The following ANKRD36C variants were observed in gnomAD, a reference collection of about 807,000 sequenced individuals.
ANKRD36C encodes the protein ankyrin repeat domain 36C, also known as ankyrin repeat domain-containing protein 36C.
ANKRD36C carries 61 observed loss-of-function variants against 276.4 expected under a neutral mutation model. The ratio of observed to expected loss-of-function variants is 0.22; its 90% CI spans 0.18 to 0.27. The LOEUF (loss-of-function observed/expected upper bound fraction) is 0.27. Ranked by LOEUF, ANKRD36C falls within the 10% of genes least tolerant of loss-of-function variation. The pLI is 1.00. For synonymous variants in ANKRD36C, 483 were observed against 680.1 expected (o/e 0.71, Z 4.51); for missense variants, 1,447 against 2,032.3 (o/e 0.71, Z 5.54).
intron 61 of ANKRD36C, 69 bp downstream of exon 81, chr2:95,859,792 A>T: frequency 6.6e-7 from 1 of 1,513,760 alleles, no homozygotes; most frequent in South Asian, 1.2e-5. Flanking sequence ...TCGCAATTAC[A>T]AAACTTCTCC....
exon 54 of ANKRD36C, chr2:95,884,239 C>T (rs1222286701): frequency 1.2e-6 from 2 of 1,609,862 alleles, no homozygotes; most frequent in South Asian, 1.1e-5. Flanking sequence ...TTCTCATCAC[C>T]TGTAGCCTGA....
intron 3 of ANKRD36C, 109 bp from the exon 4 acceptor site, chr2:95,982,471 G>C (rs1489657876): frequency 3.2e-6 from 3 of 933,246 alleles, no homozygotes. Context: ...TTGAAAGGTC[G>C]TAAGAGGTAG....
intron 6 of ANKRD36C, among the ~76,000 whole-genome samples, chr2:95,965,190 T>C (rs1358034766): frequency 2.0e-5 from 3 of 151,870 alleles, no homozygotes; most frequent in Non-Finnish European, 4.4e-5. Flanking sequence ...TTATTCTATT[T>C]ACAGTTTTCA....
At position 95,867,570 on chromosome 2, in the gene ANKRD36C, T is replaced by G. The variant is rs779942765; in HGVS notation, c.3552A>C (p.Gln1184His). 2.3e-5 allele frequency: 32 copies of G among 1,416,522 alleles called. No homozygotes were observed. The East Asian group carries it at 7.7e-4, about 34-fold the overall frequency. 87.7% of individuals were successfully genotyped at this position (1,416,522 alleles called of 1,614,324 possible). Residue 1184 changes from glutamine to histidine, a missense_variant, in exon 60 of 67, where the codon CAA becomes CAC. By Grantham distance (24) the Gln-to-His change is conservative. Transcript: ENST00000456556. ...CATCAAGGTCATCCCTAGAATGTAT[T>G]TGGTTTTTCACCTACAAAATAAATA...
intron 6 of ANKRD36C, among the ~76,000 whole-genome samples, chr2:95,965,316 TC>T (rs1203831198): frequency 6.6e-6 from 1 of 152,028 alleles, no homozygotes; most frequent in Admixed American, 6.6e-5. Flanking sequence ...TCATTTGACA[TC>T]CGGGAACACT....
intron 44 of ANKRD36C, chr2:95,897,338 G>C: frequency 3.2e-6 from 5 of 1,551,772 alleles, no homozygotes; most frequent in African/African-American, 2.8e-5. Context: ...CTCATCTCTT[G>C]TAGCCTGAAT....
At chr2:95,981,241 A>C (rs1678908430) in intron 4 of ANKRD36C, among the ~76,000 whole-genome samples, 1 of 151,478 alleles carries the variant, frequency 6.6e-6, no homozygotes, top group Non-Finnish European at 1.5e-5. Context: ...GCTCATAAGC[A>C]TGTGCTAGGC....
intron 59 of ANKRD36C, among the ~76,000 whole-genome samples, chr2:95,873,106 C>T (rs985240108): frequency 6.6e-6 from 1 of 152,142 alleles, no homozygotes; most frequent in Non-Finnish European, 1.5e-5. Flanking sequence ...GAAGTGATAC[C>T]CTTCCTTCTG....
chr2:95,921,417 G>T (rs1677263446), intron 34 of ANKRD36C, among the ~76,000 whole-genome samples, 190 bp downstream of exon 34: 1 of 151,468 alleles, frequency 6.6e-6, no homozygotes, highest in African/African-American at 2.4e-5. Context: ...ATACTGCAAA[G>T]ATCACGTTCC....
intron 6 of ANKRD36C, among the ~76,000 whole-genome samples, chr2:95,969,895 T>C (rs189028808): frequency 4.8e-4 from 73 of 151,840 alleles, no homozygotes; most frequent in African/African-American, 1.6e-3. Context: ...GCCTAATTTA[T>C]GCATTAAATT....
intron 6 of ANKRD36C, among the ~76,000 whole-genome samples, chr2:95,976,052 A>G (rs2104528850): frequency 6.6e-6 from 1 of 152,380 alleles, no homozygotes; most frequent in East Asian, 1.9e-4. Flanking sequence ...TGGCCATCAG[A>G]GAAATGCAAA....
intron 54 of ANKRD36C, among the ~76,000 whole-genome samples, chr2:95,883,926 G>A (rs893025810): frequency 1.3e-5 from 2 of 152,000 alleles, no homozygotes; most frequent in Non-Finnish European, 2.9e-5. Context: ...AGCCCCTTGT[G>A]TCTTGACATG....
Position 95,875,981 on chromosome 2 carries a change from A to C in ANKRD36C, c.3540+458T>G, listed in dbSNP as rs1356760029. ...CCCTGAACATAGAAACTGAAGTCAG[A>C]GATCAAAAAGGAAAGTAAATTTTTA... On this transcript the variant is annotated intron_variant, in intron 59 of 66. Coordinates refer to ENST00000456556, the Ensembl canonical transcript of ANKRD36C. The C allele has an allele frequency of 2.3e-5, 10 of 443,526 alleles. No individual in the cohort carries two copies. The East Asian group carries it at 7.2e-4, about 32-fold the overall frequency. The allele number at this position is 443,526 out of a possible 1,614,324, so 27.5% of individuals were successfully genotyped here.
In ANKRD36C at chr2:95,880,672, G is replaced by A. The variant is rs764758327; in HGVS notation, c.3368-49C>T. 5.8e-5 allele frequency: 87 copies of A among 1,512,998 alleles called. No individual in the cohort carries two copies. In the African/African-American group the frequency reaches 1.0e-3, roughly 18 times the overall value. The allele number at this position is 1,512,998 out of a possible 1,614,324, so 93.7% of individuals were successfully genotyped here. On this transcript the variant is annotated intron_variant, in intron 56 of 66. Coordinates refer to ENST00000456556, the Ensembl canonical transcript of ANKRD36C. ...ATCAATCATATGTAAATATGGTAAG[G>A]CCAACCATACATTTGTGGAGTGTTA...
chr2:95,873,840 C>T (rs12053279), intron 59 of ANKRD36C, among the ~76,000 whole-genome samples: 8,543 of 152,266 alleles, frequency 0.056, 352 homozygotes, highest in East Asian at 0.18. Context: ...TCTCAGGATA[C>T]AAAATCAATG....
At chr2:95,915,803 G>A (rs1022509878) in intron 38 of ANKRD36C, among the ~76,000 whole-genome samples, 177 bp downstream of exon 40, 25 of 151,562 alleles carry the variant, frequency 1.6e-4, no homozygotes, top group Non-Finnish European at 2.4e-4. Context: ...ATCTTACAGC[G>A]AAGATCATGT....
chr2:95,958,050 G>A (rs1369896773), intron 12 of ANKRD36C, among the ~76,000 whole-genome samples: 4 of 152,252 alleles, frequency 2.6e-5, no homozygotes, highest in African/African-American at 7.2e-5. Flanking sequence ...CATCTGAAGT[G>A]AGTTCCCTCA....
At chr2:95,963,199 C>A (rs1678500623) in intron 6 of ANKRD36C, among the ~76,000 whole-genome samples, 1 of 151,960 alleles carries the variant, frequency 6.6e-6, no homozygotes, top group African/African-American at 2.4e-5. Context: ...GTTTTTTCAT[C>A]CACTCATGGC....
intron 44 of ANKRD36C, among the ~76,000 whole-genome samples, chr2:95,892,286 C>A (rs1482949073): frequency 4.6e-5 from 7 of 151,518 alleles, no homozygotes. Context: ...ATTCATCATG[C>A]TCTTTAACTT....
Sources: allele counts gnomAD v4.1 joint callset (sites outside exome capture counted in the v4.1 genomes callset), GRCh38; gene constraint gnomAD v4.1.1; transcripts MANE v1.5; gene names NCBI Gene and HGNC (gene_info 2026-07-23, HGNC 2026-07-21).